PDE4B: variants seen among roughly 807,000 people sequenced by gnomAD.
PDE4B encodes phosphodiesterase 4B.
In PDE4B, 20 loss-of-function variants were observed where a neutral mutation model predicts 82.2. The observed-to-expected ratio is 0.24, with a 90% confidence interval of 0.17 to 0.35. PDE4B has a LOEUF of 0.35. Among genes scored for constraint, PDE4B ranks in the 10% least tolerant of loss-of-function variants. The pLI is 1.00. For synonymous variants in PDE4B, 320 were observed against 318.9 expected (o/e 1.00, Z -0.04); for missense variants, 655 against 907.2 (o/e 0.72, Z 3.57).
rs114683222 is a variant in PDE4B, at chr1:65,813,258, C to T, written c.-71+20010C>T. Among the ~76,000 whole-genome samples the T allele has an allele frequency of 8.8e-3, 1,339 of 152,152 alleles. 9 individuals are homozygous for T. The highest frequency in any genetic ancestry group is 0.046 in the East Asian group (237 of 5,176). On this transcript the variant is annotated intron_variant, in intron 1 of 16. Coordinates refer to ENST00000341517, the MANE Select transcript of PDE4B (RefSeq NM_002600.4). Reference sequence around the variant, plus strand: ...AATCGTGGGAGGTCACTATAATTACCATTTAGATGTGAGAGGTATACGGAG... The same window carrying T: ...AATCGTGGGAGGTCACTATAATTACTATTTAGATGTGAGAGGTATACGGAG...
chr1:66,108,383 T>C (rs1214675585), intron 3 of PDE4B, among the ~76,000 whole-genome samples: 2 of 151,982 alleles, frequency 1.3e-5, no homozygotes, highest in Non-Finnish European at 2.9e-5. Context: ...TTCTTGATAA[T>C]GGGCAAAGAT....
intron 3 of PDE4B, among the ~76,000 whole-genome samples, chr1:66,105,126 A>G (rs1645318130): frequency 6.6e-6 from 1 of 152,016 alleles, no homozygotes; most frequent in African/African-American, 2.4e-5. Context: ...ATAAGATATA[A>G]GGAAGGGATC....
intron 3 of PDE4B, among the ~76,000 whole-genome samples, chr1:66,182,981 C>T (rs754348703): frequency 1.1e-4 from 17 of 152,186 alleles, no homozygotes; most frequent in Non-Finnish European, 2.1e-4. Flanking sequence ...TCACAATGAG[C>T]CACATTTGTC....
chr1:65,868,313 C>T (rs1326680762), intron 1 of PDE4B, among the ~76,000 whole-genome samples: 3 of 152,096 alleles, frequency 2.0e-5, no homozygotes, highest in Admixed American at 6.6e-5. Flanking sequence ...GGAACCCATC[C>T]GTCCAGCAGG....
chr1:65,965,317 G>A (rs1649760994), intron 3 of PDE4B, among the ~76,000 whole-genome samples: 1 of 152,076 alleles, frequency 6.6e-6, no homozygotes, highest in African/African-American at 2.4e-5. Flanking sequence ...TGCATAGTCT[G>A]TGGTTACAAA....
At chr1:66,147,650 A>G (rs951027399) in intron 3 of PDE4B, among the ~76,000 whole-genome samples, 1 of 152,214 alleles carries the variant, frequency 6.6e-6, no homozygotes, top group Non-Finnish European at 1.5e-5. Context: ...GTCAGACTTC[A>G]GAATGGAATG....
chr1:65,936,691 G>A (rs1372690346), intron 3 of PDE4B, among the ~76,000 whole-genome samples: 3 of 152,094 alleles, frequency 2.0e-5, no homozygotes, highest in Admixed American at 1.3e-4. Flanking sequence ...TGATAGTTAT[G>A]GTATTGGCCT....
intron 3 of PDE4B, among the ~76,000 whole-genome samples, chr1:66,010,163 C>T (rs973197381): frequency 6.6e-6 from 1 of 151,876 alleles, no homozygotes; most frequent in Non-Finnish European, 1.5e-5. Flanking sequence ...GTTTGGGTAC[C>T]TTCCAGTTTT....
At chr1:65,842,531 C>T (rs528295737) in intron 1 of PDE4B, among the ~76,000 whole-genome samples, 2 of 152,214 alleles carry the variant, frequency 1.3e-5, no homozygotes, top group East Asian at 3.9e-4. Context: ...TTTATACCAA[C>T]TGTAACAAGG....
intron 1 of PDE4B, among the ~76,000 whole-genome samples, chr1:65,884,728 T>G: frequency 6.6e-6 from 1 of 152,330 alleles, no homozygotes; most frequent in Non-Finnish European, 1.5e-5. Flanking sequence ...ATTAAAGACT[T>G]GAATGTTAGA....
intron 1 of PDE4B, among the ~76,000 whole-genome samples, chr1:65,826,333 G>A (rs923803867): frequency 6.8e-6 from 1 of 146,580 alleles, no homozygotes; most frequent in East Asian, 1.9e-4. Flanking sequence ...TTGCATATAA[G>A]CTGCTAATAT....
intron 3 of PDE4B, among the ~76,000 whole-genome samples, chr1:65,978,839 C>T (rs1650543266): frequency 6.6e-6 from 1 of 152,104 alleles, no homozygotes; most frequent in Non-Finnish European, 1.5e-5. Flanking sequence ...ATTTATAGGT[C>T]TCTCACCTTG....
At chr1:66,178,843 ATCTT>A (rs1463955687) in intron 3 of PDE4B, among the ~76,000 whole-genome samples, 1 of 152,072 alleles carries the variant, frequency 6.6e-6, no homozygotes, top group African/African-American at 2.4e-5. Context: ...AAAAAGATCT[ATCTT>A]AACTTTTTTT....
chr1:66,248,849 C>T (rs562390473), intron 4 of PDE4B, among the ~76,000 whole-genome samples: 3 of 152,240 alleles, frequency 2.0e-5, no homozygotes, highest in Admixed American at 6.5e-5. Flanking sequence ...CCCATGGAGC[C>T]GAGCTCATGT....
intron 3 of PDE4B, among the ~76,000 whole-genome samples, chr1:66,155,112 G>A (rs1646477015): frequency 6.6e-6 from 1 of 152,090 alleles, no homozygotes; most frequent in African/African-American, 2.4e-5. Flanking sequence ...CTGGGAAACA[G>A]GAGTGAAACT....
At chr1:65,884,470 C>T (rs1646748782) in intron 1 of PDE4B, among the ~76,000 whole-genome samples, 1 of 152,072 alleles carries the variant, frequency 6.6e-6, no homozygotes, top group African/African-American at 2.4e-5. Flanking sequence ...TACTACAAGG[C>T]CATGGTAACC....
chr1:65,962,229 G>A (rs1466343436), intron 3 of PDE4B, among the ~76,000 whole-genome samples: 3 of 152,120 alleles, frequency 2.0e-5, no homozygotes, highest in African/African-American at 7.2e-5. Flanking sequence ...GGTACTCAAA[G>A]TAAGGTTTCT....
intron 3 of PDE4B, among the ~76,000 whole-genome samples, chr1:66,094,073 A>C (rs1356076633): frequency 6.6e-6 from 1 of 152,110 alleles, no homozygotes; most frequent in Non-Finnish European, 1.5e-5. Context: ...GGCAGCAAGA[A>C]ATAATATGAA....
At chr1:66,365,431 C>T (rs1663164895) in intron 12 of PDE4B, among the ~76,000 whole-genome samples, 2 of 152,178 alleles carry the variant, frequency 1.3e-5, no homozygotes, top group Non-Finnish European at 2.9e-5. Context: ...AATATCTTTC[C>T]AAGCATCAGC....
Sources: gnomAD v4.1 joint callset for allele counts (sites outside exome capture counted in the v4.1 genomes callset) on GRCh38, gnomAD v4.1.1 for gene constraint, MANE v1.5 for transcripts, NCBI Gene and HGNC (gene_info 2026-07-23, HGNC 2026-07-21) for gene names.